The following PLEKHG1 variants were observed in gnomAD, a reference collection of about 807,000 sequenced individuals.
The protein encoded by PLEKHG1 is pleckstrin homology domain-containing family G member 1.
PLEKHG1 carries 44 observed loss-of-function variants against 100.8 expected under a neutral mutation model. The ratio of observed to expected loss-of-function variants is 0.44; its 90% CI spans 0.34 to 0.56. PLEKHG1 has a LOEUF of 0.56. PLEKHG1 is among the 20% of genes least tolerant of loss of function. The probability of loss-of-function intolerance (pLI) is 0.01; values close to 1 mark genes in which losing one functional copy is unlikely to be tolerated. For synonymous variants in PLEKHG1, 640 were observed against 662.5 expected, an observed-to-expected ratio of 0.97 and a Z score of 0.52; for missense variants, 1,545 against 1,720.9, an observed-to-expected ratio of 0.90 and a Z score of 1.81.
intron 14 of PLEKHG1, among the ~76,000 whole-genome samples, chr6:150,824,914 G>A (rs568835272): frequency 6.6e-6 from 1 of 152,030 alleles, no homozygotes; most frequent in African/African-American, 2.4e-5. Flanking sequence ...GTTTGGAAAC[G>A]TGTGAAACTT....
chr6:150,784,382 A>T (rs1425676074), intron 3 of PLEKHG1, among the ~76,000 whole-genome samples: 1 of 152,240 alleles, frequency 6.6e-6, no homozygotes, highest in Non-Finnish European at 1.5e-5. Context: ...CTGAGTACTC[A>T]GAGAAAATTA....
intron 3 of PLEKHG1, among the ~76,000 whole-genome samples, chr6:150,678,063 C>CATACATATATATAT: frequency 1.7e-5 from 1 of 60,120 alleles, no homozygotes; most frequent in Admixed American, 2.3e-4. Flanking sequence ...TGTTTTGATG[C>CATACATATATATAT]ATATATATAT....
At chr6:150,756,354 T>C (rs923145212) in intron 2 of PLEKHG1, among the ~76,000 whole-genome samples, 4 of 152,188 alleles carry the variant, frequency 2.6e-5, no homozygotes, top group Non-Finnish European at 4.4e-5. Flanking sequence ...GATTCTTCTG[T>C]GATGAGATCA....
intron 1 of PLEKHG1, among the ~76,000 whole-genome samples, chr6:150,629,546 C>T (rs866162740): frequency 1.1e-4 from 16 of 152,174 alleles, no homozygotes; most frequent in African/African-American, 3.1e-4. Flanking sequence ...CTGCAACCTC[C>T]GCCTCCCGGG....
intron 2 of PLEKHG1, among the ~76,000 whole-genome samples, chr6:150,650,416 C>T (rs1400877125): frequency 6.6e-6 from 1 of 152,186 alleles, no homozygotes; most frequent in African/African-American, 2.4e-5. Flanking sequence ...TTCAAGTCTC[C>T]TTTTGAATTA....
intron 3 of PLEKHG1, among the ~76,000 whole-genome samples, chr6:150,704,585 C>T (rs544323057): frequency 6.6e-6 from 1 of 152,390 alleles, no homozygotes; most frequent in East Asian, 1.9e-4. Flanking sequence ...CTCAACCTTA[C>T]ATCACCCAAA....
intron 1 of PLEKHG1, among the ~76,000 whole-genome samples, chr6:150,635,894 A>G (rs1777978055): frequency 6.6e-6 from 1 of 152,228 alleles, no homozygotes; most frequent in Non-Finnish European, 1.5e-5. Context: ...TACAACACTC[A>G]TAATGGGTGT....
At chr6:150,605,997 T>C (rs1199802464) in intron 1 of PLEKHG1, 1 of 152,250 alleles carries the variant, frequency 6.6e-6, no homozygotes, top group Non-Finnish European at 1.5e-5. Flanking sequence ...TGTGATTGAA[T>C]TTCTTTCCTC....
chr6:150,799,006 G>T (rs1323602152), intron 5 of PLEKHG1, among the ~76,000 whole-genome samples: 1 of 151,970 alleles, frequency 6.6e-6, no homozygotes, highest in Non-Finnish European at 1.5e-5. Context: ...CTTCCAAAGT[G>T]CTGGGATTGC....
At chr6:150,818,601 C>G (rs1204896351) in intron 11 of PLEKHG1, among the ~76,000 whole-genome samples, 1 of 152,218 alleles carries the variant, frequency 6.6e-6, no homozygotes, top group Non-Finnish European at 1.5e-5. Context: ...ATCGCAATCA[C>G]TTCGTAGTAT....
chr6:150,654,745 G>A (rs1778898191), intron 3 of PLEKHG1, among the ~76,000 whole-genome samples: 1 of 152,234 alleles, frequency 6.6e-6, no homozygotes, highest in South Asian at 2.1e-4. Flanking sequence ...CGGGGCTGAT[G>A]GATTTATTGT....
At chr6:150,836,831 A>G (rs1264797840) in intron 15 of PLEKHG1, among the ~76,000 whole-genome samples, 1 of 151,754 alleles carries the variant, frequency 6.6e-6, no homozygotes, top group Non-Finnish European at 1.5e-5. Flanking sequence ...TCAAAAAAAA[A>G]AAAAAGAAAA....
intron 12 of PLEKHG1, 32 bp from the exon 14 acceptor site, chr6:150,821,163 G>A: frequency 6.3e-7 from 1 of 1,598,664 alleles, no homozygotes; most frequent in Non-Finnish European, 8.6e-7. Context: ...ATTTGGTTTT[G>A]CCAATGATGC....
chr6:150,743,834 A>C (rs983965454), intron 2 of PLEKHG1, among the ~76,000 whole-genome samples: 2 of 151,744 alleles, frequency 1.3e-5, no homozygotes, highest in African/African-American at 2.4e-5. Flanking sequence ...TTAGTGTTTC[A>C]GGCTAATAAA....
intron 1 of PLEKHG1, among the ~76,000 whole-genome samples, chr6:150,609,699 A>G (rs1045029109): frequency 1.3e-5 from 2 of 152,180 alleles, no homozygotes; most frequent in Non-Finnish European, 2.9e-5. Context: ...GCTGCGTAGG[A>G]AAAGAGCTGT....
At chr6:150,743,568 G>A (rs547306586) in intron 2 of PLEKHG1, among the ~76,000 whole-genome samples, 9 of 152,194 alleles carry the variant, frequency 5.9e-5, no homozygotes, top group Admixed American at 4.6e-4. Flanking sequence ...AGATTTTGGT[G>A]GTGCTTACCT....
chr6:150,836,527 A>AG (rs1232865623), intron 15 of PLEKHG1, among the ~76,000 whole-genome samples: 1 of 152,128 alleles, frequency 6.6e-6, no homozygotes, highest in Non-Finnish European at 1.5e-5. Flanking sequence ...CCAGACCAAA[A>AG]GCTCAGAGGC....
At position 150,657,757 on chromosome 6, in the gene PLEKHG1, G is replaced by A. The variant is rs75687137; in HGVS notation, c.-99+6971G>A. Among the ~76,000 whole-genome samples, 193 of 152,310 alleles carry A rather than the reference G, an allele frequency of 1.3e-3. 1 individual carries two copies. In the East Asian group the frequency reaches 0.028, roughly 22 times the overall value. On this transcript the variant is annotated intron_variant, in intron 3 of 3. Coordinates refer to the PLEKHG1 transcript ENST00000367326. ...CAGTACGGAATCATGGATGTCTCAT[G>A]TTCTTAACATCTGTAGCTGATGATC...
intron 3 of PLEKHG1, among the ~76,000 whole-genome samples, chr6:150,778,220 C>T (rs1785102470): frequency 6.6e-6 from 1 of 152,164 alleles, no homozygotes; most frequent in Non-Finnish European, 1.5e-5. Context: ...CTCCGCCTCC[C>T]AGGTTTAAGC....
Sources: gnomAD v4.1 joint callset for allele counts (sites outside exome capture counted in the v4.1 genomes callset) on GRCh38, gnomAD v4.1.1 for gene constraint, MANE v1.5 for transcripts, NCBI Gene and HGNC (gene_info 2026-07-23, HGNC 2026-07-21) for gene names.